Variants in RANBP2 observed in about 807,000 individuals in gnomAD.
The protein encoded by RANBP2 is E3 SUMO-protein ligase RanBP2.
Under a neutral mutation model 303.6 loss-of-function variants are expected in RANBP2, and 57 were observed. That is an observed-to-expected ratio of 0.19 (90% CI 0.15 to 0.23). The LOEUF is 0.23. RANBP2 is among the 10% of genes least tolerant of loss of function. The probability of loss-of-function intolerance (pLI) is 1.00; values close to 1 mark genes in which losing one functional copy is unlikely to be tolerated. For missense variants in RANBP2, 3,138 were observed against 3,780.8 expected (o/e 0.83, Z 4.46); for synonymous variants, 1,167 against 1,301.5 (o/e 0.90, Z 2.23).
At chr2:108,761,864 C>A (rs1299244086) in intron 18 of RANBP2, among the ~76,000 whole-genome samples, 1 of 152,076 alleles carries the variant, frequency 6.6e-6, no homozygotes, top group African/African-American at 2.4e-5. Context: ...GGTAGTTGTT[C>A]TTGTTGATCA....
the RANBP2 span, among the ~76,000 whole-genome samples, chr2:109,455,276 T>C: frequency 6.6e-6 from 1 of 152,124 alleles, no homozygotes; most frequent in Non-Finnish European, 1.5e-5. Context: ...GAAAGGGCCC[T>C]AGGTGTCTGC....
chr2:109,096,699 C>T, the RANBP2 span, among the ~76,000 whole-genome samples: 1 of 151,852 alleles, frequency 6.6e-6, no homozygotes, highest in Non-Finnish European at 1.5e-5. Context: ...GAAAATTGAA[C>T]TAATATTTTT....
chr2:109,179,963 C>G, the RANBP2 span, among the ~76,000 whole-genome samples: 1 of 50,958 alleles, frequency 2.0e-5, no homozygotes, highest in African/African-American at 6.0e-5. Flanking sequence ...TCATTTGGAC[C>G]CAAAGGTGTT....
the RANBP2 span, chr2:109,568,008 TG>T: frequency 6.6e-7 from 1 of 1,515,026 alleles, no homozygotes; most frequent in Admixed American, 2.1e-5. Context: ...AAAATCTTAC[TG>T]AGGATTTTTT....
the RANBP2 span, among the ~76,000 whole-genome samples, chr2:109,256,027 T>C: frequency 6.6e-6 from 1 of 152,228 alleles, no homozygotes; most frequent in African/African-American, 2.4e-5. Context: ...CATACTCTCT[T>C]ACTGTCCTCT....
the RANBP2 span, among the ~76,000 whole-genome samples, chr2:109,426,975 TATA>T: frequency 1.1e-3 from 114 of 106,030 alleles, no homozygotes; most frequent in African/African-American, 4.7e-3. Flanking sequence ...TATATATATA[TATA>T]TTTTTTTTTG....
At chr2:109,493,006 A>G in the RANBP2 span, among the ~76,000 whole-genome samples, 27 of 152,034 alleles carry the variant, frequency 1.8e-4, no homozygotes, top group Non-Finnish European at 3.4e-4. Flanking sequence ...CTGTGCAAAC[A>G]TACACTCACC....
chr2:109,147,309 C>T, the RANBP2 span, among the ~76,000 whole-genome samples: 1 of 152,186 alleles, frequency 6.6e-6, no homozygotes, highest in Admixed American at 6.5e-5. Flanking sequence ...CTATCAGAGG[C>T]ACATCAGGGA....
chr2:109,173,438 A>T, the RANBP2 span, among the ~76,000 whole-genome samples: 1 of 152,150 alleles, frequency 6.6e-6, no homozygotes, highest in Non-Finnish European at 1.5e-5. Flanking sequence ...TAAATGACAT[A>T]GTTCTTCATT....
At chr2:108,757,005 G>A (rs1676369734) in intron 17 of RANBP2, among the ~76,000 whole-genome samples, 1 of 152,132 alleles carries the variant, frequency 6.6e-6, no homozygotes, top group Non-Finnish European at 1.5e-5. Context: ...AATTGAGATA[G>A]TTTTGGACCT....
chr2:109,312,852 T>G, the RANBP2 span, among the ~76,000 whole-genome samples: 1 of 152,238 alleles, frequency 6.6e-6, no homozygotes, highest in Non-Finnish European at 1.5e-5. Context: ...AACATTTGCT[T>G]GAACACCTGT....
chr2:109,634,738 AAAGT>A, the RANBP2 span, among the ~76,000 whole-genome samples: 1 of 152,268 alleles, frequency 6.6e-6, no homozygotes, highest in Non-Finnish European at 1.5e-5. Context: ...ATGATGTTAA[AAAGT>A]AAGAGAGAAC....
chr2:109,569,925 C>T, the RANBP2 span, among the ~76,000 whole-genome samples: 2 of 151,974 alleles, frequency 1.3e-5, no homozygotes, highest in African/African-American at 4.8e-5. Context: ...CTGGAGGTGG[C>T]CTGGGGAGTG....
At chr2:109,188,009 T>C in the RANBP2 span, among the ~76,000 whole-genome samples, 1 of 152,146 alleles carries the variant, frequency 6.6e-6, no homozygotes, top group Non-Finnish European at 1.5e-5. Context: ...TTGCCTCTGC[T>C]CCATCTCACC....
intron 5 of RANBP2, 141 bp from the exon 6 acceptor site, chr2:108,735,963 G>C: frequency 6.4e-7 from 1 of 1,561,652 alleles, no homozygotes; most frequent in Non-Finnish European, 8.7e-7. Flanking sequence ...ATATATTTTT[G>C]GTGTTTTATA....
At chr2:109,087,852 A>G in the RANBP2 span, among the ~76,000 whole-genome samples, 422 of 152,310 alleles carry the variant, frequency 2.8e-3, 9 homozygotes, top group Admixed American at 0.019. Flanking sequence ...TTCATGGCTC[A>G]GCTTCTTAAA....
the RANBP2 span, among the ~76,000 whole-genome samples, chr2:109,092,980 T>C: frequency 6.6e-6 from 1 of 152,216 alleles, no homozygotes. Flanking sequence ...TATGGATCCC[T>C]GAAACCAATA....
the RANBP2 span, among the ~76,000 whole-genome samples, chr2:109,416,321 G>A: frequency 6.6e-6 from 1 of 152,042 alleles, no homozygotes; most frequent in African/African-American, 2.4e-5. Flanking sequence ...CAGGCTGGGT[G>A]CAGTGGCTCA....
chr2:109,419,472 T>G, the RANBP2 span: 1 of 1,490,094 alleles, frequency 6.7e-7, no homozygotes, highest in South Asian at 1.2e-5. Context: ...AGCCTCATTT[T>G]GCTTTTCTCT....
Sources: allele counts gnomAD v4.1 joint callset (sites outside exome capture counted in the v4.1 genomes callset), GRCh38; gene constraint gnomAD v4.1.1; transcripts MANE v1.5; gene names NCBI Gene and HGNC (gene_info 2026-07-23, HGNC 2026-07-21).